Variants in CDH18 observed in about 807,000 individuals in gnomAD.
CDH18 encodes the protein cadherin 18, also known as cadherin-18.
In CDH18, 31 loss-of-function variants were observed where a neutral mutation model predicts 67.9. That is an observed-to-expected ratio of 0.46 (90% CI 0.34 to 0.62). The LOEUF is 0.62. Ranked by LOEUF, CDH18 falls within the 20% of genes least tolerant of loss-of-function variation. The probability of loss-of-function intolerance (pLI) is 0.01; values close to 1 mark genes in which losing one functional copy is unlikely to be tolerated. For missense variants in CDH18, 890 were observed against 975.5 expected, an observed-to-expected ratio of 0.91 and a Z score of 1.17; for synonymous variants, 362 against 347.2, an observed-to-expected ratio of 1.04 and a Z score of -0.48.
chr5:20,052,630 A>G (rs1483106833), intron 2 of CDH18, among the ~76,000 whole-genome samples: 3 of 152,052 alleles, frequency 2.0e-5, no homozygotes, highest in African/African-American at 7.2e-5. Flanking sequence ...TCCTAGAAAA[A>G]GCTATTGAGG....
chr5:19,524,372 T>C (rs933103458), intron 9 of CDH18, among the ~76,000 whole-genome samples: 3 of 150,518 alleles, frequency 2.0e-5, no homozygotes, highest in Admixed American at 6.6e-5. Context: ...TTTAAATATA[T>C]GTTTACTTAT....
At chr5:20,417,106 A>C (rs1438796379) in intron 1 of CDH18, among the ~76,000 whole-genome samples, 1 of 152,140 alleles carries the variant, frequency 6.6e-6, no homozygotes, top group Non-Finnish European at 1.5e-5. Flanking sequence ...TTTATAGTTA[A>C]GTGGCTAGCC....
chr5:20,480,972 T>C (rs1475627689), intron 1 of CDH18, among the ~76,000 whole-genome samples: 1 of 151,736 alleles, frequency 6.6e-6, no homozygotes, highest in Non-Finnish European at 1.5e-5. Flanking sequence ...AATAACAAAA[T>C]AGCAAGGTGA....
chr5:19,828,647 T>A (rs181260746), intron 3 of CDH18, among the ~76,000 whole-genome samples: 235 of 152,246 alleles, frequency 1.5e-3, no homozygotes, highest in African/African-American at 5.5e-3. Flanking sequence ...CAAATAATCA[T>A]CTCGATAGAT....
At chr5:20,202,323 G>A (rs527499326) in intron 2 of CDH18, among the ~76,000 whole-genome samples, 25 of 152,160 alleles carry the variant, frequency 1.6e-4, no homozygotes, top group African/African-American at 6.0e-4. Context: ...TTGCTTAGGG[G>A]TGCTGAGAAA....
chr5:20,273,383 T>A (rs773660751), intron 1 of CDH18, among the ~76,000 whole-genome samples: 6 of 151,974 alleles, frequency 3.9e-5, no homozygotes, highest in Non-Finnish European at 5.9e-5. Flanking sequence ...AAAATACATA[T>A]ACTTATGAGG....
At chr5:19,867,859 C>T (rs972024827) in intron 2 of CDH18, among the ~76,000 whole-genome samples, 4 of 152,130 alleles carry the variant, frequency 2.6e-5, no homozygotes, top group Non-Finnish European at 5.9e-5. Flanking sequence ...CCCATAATCC[C>T]TACATGTTGT....
At chr5:20,555,506 G>A (rs544281248) in intron 1 of CDH18, among the ~76,000 whole-genome samples, 92 of 138,536 alleles carry the variant, frequency 6.6e-4, no homozygotes, top group African/African-American at 2.3e-3. Context: ...GTGCAGTGGC[G>A]CAATCTCCGT....
intron 1 of CDH18, among the ~76,000 whole-genome samples, chr5:20,448,377 T>C (rs1750175577): frequency 6.6e-6 from 1 of 152,280 alleles, no homozygotes; most frequent in South Asian, 2.1e-4. Context: ...GATCATGGCA[T>C]GATCTCTTTC....
intron 2 of CDH18, among the ~76,000 whole-genome samples, chr5:20,230,384 C>T (rs1741972795): frequency 1.3e-5 from 2 of 152,124 alleles, no homozygotes; most frequent in African/African-American, 4.8e-5. Context: ...AATCAAATTT[C>T]CCCTATTTCT....
At chr5:19,877,179 T>A (rs1581753398) in intron 2 of CDH18, among the ~76,000 whole-genome samples, 1 of 152,106 alleles carries the variant, frequency 6.6e-6, no homozygotes, top group Admixed American at 6.6e-5. Flanking sequence ...TGCTACAGTT[T>A]TGGTAAGATT....
intron 1 of CDH18, among the ~76,000 whole-genome samples, chr5:20,404,345 T>C (rs1746040303): frequency 6.6e-6 from 1 of 152,224 alleles, no homozygotes; most frequent in South Asian, 2.1e-4. Context: ...GGCTTACTCT[T>C]TGATGCAAAA....
At chr5:20,276,155 T>C (rs1021829698) in intron 1 of CDH18, among the ~76,000 whole-genome samples, 1 of 152,216 alleles carries the variant, frequency 6.6e-6, no homozygotes, top group African/African-American at 2.4e-5. Flanking sequence ...TTTGCTGGGC[T>C]TGGAGCCAGT....
chr5:20,501,461 AT>A (rs1754246986), intron 1 of CDH18, among the ~76,000 whole-genome samples: 1 of 103,308 alleles, frequency 9.7e-6, no homozygotes, highest in African/African-American at 3.6e-5. Context: ...TTATATACAT[AT>A]TATATATATT....
chr5:19,707,846 G>A (rs1764165728), intron 5 of CDH18, among the ~76,000 whole-genome samples: 1 of 152,220 alleles, frequency 6.6e-6, no homozygotes, highest in Admixed American at 6.5e-5. Context: ...CAGAGGTGCT[G>A]CACAATAATT....
intron 2 of CDH18, among the ~76,000 whole-genome samples, chr5:20,171,904 G>A (rs1376300451): frequency 6.6e-6 from 1 of 150,394 alleles, no homozygotes; most frequent in African/African-American, 2.4e-5. Flanking sequence ...TTTTTATATG[G>A]TGTAAGGAAA....
At chr5:20,200,074 C>A (rs1056558688) in intron 2 of CDH18, among the ~76,000 whole-genome samples, 2 of 152,142 alleles carry the variant, frequency 1.3e-5, no homozygotes, top group Non-Finnish European at 2.9e-5. Flanking sequence ...TCTAAGGGAA[C>A]AAACACTGTG....
chr5:19,886,381 G>A (rs956933981), intron 2 of CDH18: 1 of 152,168 alleles, frequency 6.6e-6, no homozygotes, highest in African/African-American at 2.4e-5. Flanking sequence ...AGCGAAGAAA[G>A]CTAGCTGGCA....
chr5:19,871,629 A>G (rs2150021887), intron 2 of CDH18, among the ~76,000 whole-genome samples: 1 of 152,304 alleles, frequency 6.6e-6, no homozygotes, highest in South Asian at 2.1e-4. Flanking sequence ...ATAAAATGAG[A>G]TAAGGATAAG....
Sources: gnomAD v4.1 joint callset for allele counts (sites outside exome capture counted in the v4.1 genomes callset) on GRCh38, gnomAD v4.1.1 for gene constraint, MANE v1.5 for transcripts, NCBI Gene and HGNC (gene_info 2026-07-23, HGNC 2026-07-21) for gene names.